The following FIG4 variants were observed in gnomAD, a reference collection of about 807,000 sequenced individuals.
The protein encoded by FIG4 is FIG4 phosphoinositide 5-phosphatase.
A neutral mutation model predicts 118.6 loss-of-function variants in FIG4; 112 were observed. The ratio of observed to expected loss-of-function variants is 0.94; its 90% CI spans 0.81 to 1.11. The LOEUF is 1.11. Among genes scored for constraint, FIG4 ranks in the 50% least tolerant of loss-of-function variants. The pLI is 0.00. For missense variants in FIG4, 969 were observed against 1,111.7 expected, an observed-to-expected ratio of 0.87 and a Z score of 1.83; for synonymous variants, 369 against 381.2, an observed-to-expected ratio of 0.97 and a Z score of 0.37.
intron 10 of FIG4, among the ~76,000 whole-genome samples, chr6:109,750,051 G>T (rs61222521): frequency 4.9e-4 from 74 of 152,308 alleles, no homozygotes; most frequent in African/African-American, 1.7e-3. Context: ...ATACATGTGT[G>T]TATAGAATGA....
chr6:109,823,802 C>T (rs1490935063), intron 22 of FIG4, among the ~76,000 whole-genome samples: 1 of 152,176 alleles, frequency 6.6e-6, no homozygotes, highest in Non-Finnish European at 1.5e-5. Flanking sequence ...AGAATAGATT[C>T]TCCAGATTTT....
At chr6:109,792,026 T>A (rs944670998) in intron 20 of FIG4, among the ~76,000 whole-genome samples, 2 of 152,246 alleles carry the variant, frequency 1.3e-5, no homozygotes, top group South Asian at 4.1e-4. Flanking sequence ...TTGGGGAAAT[T>A]TGATTTCTAG....
At chr6:109,755,014 T>TA (rs1264309567) in intron 10 of FIG4, among the ~76,000 whole-genome samples, 1 of 152,194 alleles carries the variant, frequency 6.6e-6, no homozygotes, top group Non-Finnish European at 1.5e-5. Flanking sequence ...TTCTAGTTCT[T>TA]TTAATTGTGA....
chr6:109,757,265 A>G (rs1226393605), intron 10 of FIG4, among the ~76,000 whole-genome samples: 2 of 152,158 alleles, frequency 1.3e-5, no homozygotes, highest in Non-Finnish European at 2.9e-5. Flanking sequence ...TTGCTCTTCC[A>G]CTATGATCAA....
intron 3 of FIG4, among the ~76,000 whole-genome samples, chr6:109,721,623 G>A (rs1401720251): frequency 2.0e-5 from 3 of 151,938 alleles, no homozygotes; most frequent in Non-Finnish European, 2.9e-5. Context: ...ATTGGTCTGG[G>A]GTCAGAAGTA....
intron 1 of FIG4, among the ~76,000 whole-genome samples, chr6:109,702,088 A>G (rs577071269): frequency 2.8e-4 from 42 of 152,344 alleles, no homozygotes; most frequent in African/African-American, 7.9e-4. Flanking sequence ...AAGCAACTTC[A>G]TGGTGCTCTT....
chr6:109,800,621 A>G (rs997258320), intron 22 of FIG4, among the ~76,000 whole-genome samples: 1 of 151,888 alleles, frequency 6.6e-6, no homozygotes, highest in African/African-American at 2.4e-5. Context: ...CTCAGTAAAT[A>G]TTTACTGAAA....
intron 10 of FIG4, among the ~76,000 whole-genome samples, chr6:109,745,431 A>G (rs1048465543): frequency 3.3e-5 from 5 of 152,178 alleles, no homozygotes; most frequent in Non-Finnish European, 5.9e-5. Context: ...TTGGCCACAT[A>G]TAAATGTCTT....
At chr6:109,815,862 T>TGG (rs759753439) in intron 22 of FIG4, among the ~76,000 whole-genome samples, 28 of 150,216 alleles carry the variant, frequency 1.9e-4, no homozygotes, top group African/African-American at 5.6e-4. Context: ...GTTTAGATTA[T>TGG]GGGGGGGGGC....
chr6:109,731,224 G>C (rs567090108), intron 4 of FIG4, among the ~76,000 whole-genome samples: 1 of 152,318 alleles, frequency 6.6e-6, no homozygotes, highest in South Asian at 2.1e-4. Context: ...TATACTATGA[G>C]TTATACACTA....
At chr6:109,804,852 G>C (rs1018470461) in intron 22 of FIG4, among the ~76,000 whole-genome samples, 2 of 152,090 alleles carry the variant, frequency 1.3e-5, no homozygotes, top group African/African-American at 4.8e-5. Context: ...CTAATATAAA[G>C]AGACTTTGAG....
chr6:109,694,735 A>G (rs763937790), intron 1 of FIG4, among the ~76,000 whole-genome samples: 1 of 152,244 alleles, frequency 6.6e-6, no homozygotes, highest in Non-Finnish European at 1.5e-5. Context: ...CAACAACTCA[A>G]CAGCAAATAC....
chr6:109,714,251 A>G (rs1446518476), intron 1 of FIG4, among the ~76,000 whole-genome samples: 2 of 152,128 alleles, frequency 1.3e-5, no homozygotes, highest in African/African-American at 2.4e-5. Flanking sequence ...GGGGCCAGGA[A>G]TGAATGCCAG....
At chr6:109,730,806 T>C (rs967996464) in intron 4 of FIG4, among the ~76,000 whole-genome samples, 6 of 152,114 alleles carry the variant, frequency 3.9e-5, no homozygotes, top group Non-Finnish European at 5.9e-5. Context: ...TAAAGGTAAA[T>C]ATTTTTATAA....
intron 1 of FIG4, among the ~76,000 whole-genome samples, chr6:109,708,649 G>A (rs566411004): frequency 6.6e-6 from 1 of 151,986 alleles, no homozygotes; most frequent in Non-Finnish European, 1.5e-5. Flanking sequence ...TGACTTTTTA[G>A]TAATAGCCAT....
chr6:109,788,172 A>T (rs1194239481), intron 18 of FIG4, among the ~76,000 whole-genome samples: 1 of 152,174 alleles, frequency 6.6e-6, no homozygotes, highest in Non-Finnish European at 1.5e-5. Flanking sequence ...TCAAGTTACT[A>T]TGGGTTTGTC....
At chr6:109,763,877 C>T in intron 12 of FIG4, 60 bp from the exon 13 acceptor site, 1 of 1,138,142 alleles carries the variant, frequency 8.8e-7, no homozygotes, top group Non-Finnish European at 1.3e-6. Flanking sequence ...GGATCTGGTA[C>T]TGAAAATAAA....
chr6:109,778,815 G>A (rs142823687), intron 16 of FIG4, among the ~76,000 whole-genome samples: 14,206 of 152,004 alleles, frequency 0.093, 737 homozygotes, highest in Admixed American at 0.16. Flanking sequence ...TAGCTAGGGT[G>A]GTCTTGATCT....
intron 10 of FIG4, among the ~76,000 whole-genome samples, chr6:109,757,721 C>T (rs1776963512): frequency 6.6e-6 from 1 of 152,188 alleles, no homozygotes; most frequent in Non-Finnish European, 1.5e-5. Context: ...ACCCCATCAT[C>T]TCAGCCCAAA....
Sources: allele counts gnomAD v4.1 joint callset (sites outside exome capture counted in the v4.1 genomes callset), GRCh38; gene constraint gnomAD v4.1.1; transcripts MANE v1.5; gene names NCBI Gene and HGNC (gene_info 2026-07-23, HGNC 2026-07-21).